SNX29: variants seen among roughly 807,000 people sequenced by gnomAD.
SNX29 encodes the protein sorting nexin 29.
In SNX29, 78 loss-of-function variants were observed where a neutral mutation model predicts 102.1. The observed-to-expected ratio is 0.76, with a 90% CI of 0.64 to 0.92. The LOEUF (loss-of-function observed/expected upper bound fraction) is 0.92, where lower values mean the gene tolerates loss of function less well. Among genes scored for constraint, SNX29 ranks in the 40% least tolerant of loss-of-function variants. The pLI, the probability that SNX29 is intolerant of heterozygous loss-of-function variation, is 0.00. For synonymous variants in SNX29, 580 were observed against 414.5 expected (o/e 1.40, Z -4.85); for missense variants, 1,280 against 1,061.7 (o/e 1.21, Z -2.86).
intron 13 of SNX29, among the ~76,000 whole-genome samples, chr16:12,169,381 C>T (rs1262728739): frequency 6.6e-6 from 1 of 152,134 alleles, no homozygotes; most frequent in Non-Finnish European, 1.5e-5. Context: ...GGGAGCTGAT[C>T]ACGGGCTTCC....
Position 12,570,259 on chromosome 16 carries a change from T to C in SNX29, c.*1630T>C, listed in dbSNP as rs182067064. 42 of 1,064,960 alleles carry C rather than the reference T, an allele frequency of 3.9e-5. No homozygotes were observed. In the African/African-American group the frequency reaches 5.6e-4, roughly 14 times the overall value. 66.0% of individuals were successfully genotyped at this position (1,064,960 alleles called of 1,614,324 possible). ...GTGAGACCAAATGAGCTGGAGCATG[T>C]ATGGAGGTGCGGACCCTGCAGTCAG... On this transcript the variant is annotated 3_prime_UTR_variant, in exon 21 of 21. Coordinates refer to ENST00000566228, the MANE Select transcript of SNX29 (RefSeq NM_032167.5).
At chr16:12,507,147 C>G (rs1287188273) in intron 19 of SNX29, among the ~76,000 whole-genome samples, 1 of 152,152 alleles carries the variant, frequency 6.6e-6, no homozygotes, top group African/African-American at 2.4e-5. Flanking sequence ...GTGATGAGAC[C>G]GAAATGCTTT....
chr16:12,534,649 G>C (rs972488939), intron 20 of SNX29, among the ~76,000 whole-genome samples: 1 of 152,208 alleles, frequency 6.6e-6, no homozygotes, highest in Non-Finnish European at 1.5e-5. Flanking sequence ...TTCACCTGAA[G>C]GAGTTCCCTG....
chr16:12,024,212 C>T (rs55995758), intron 3 of SNX29, among the ~76,000 whole-genome samples: 61,204 of 151,178 alleles, frequency 0.4, 13,308 homozygotes, highest in Non-Finnish European at 0.49. Flanking sequence ...GATCTCGGCT[C>T]ACGGCAACCT....
chr16:12,567,094 G>A (rs1451655350), intron 20 of SNX29, among the ~76,000 whole-genome samples: 5 of 152,252 alleles, frequency 3.3e-5, no homozygotes, highest in African/African-American at 4.8e-5. Context: ...CGAGGGGAAT[G>A]ATTTCTTTAT....
Position 12,552,042 on chromosome 16 carries a change from G to A in SNX29, c.2319-16464G>A, listed in dbSNP as rs1567180974. 4.6e-5 allele frequency among the ~76,000 whole-genome samples: 7 copies of A among 151,984 alleles called. No homozygotes were observed. In the South Asian group the frequency reaches 1.3e-3, roughly 27 times the overall value. ...AACGTGGCAAGTCCAGGCTCAGATG[G>A]GAAGGATTTTTGGGGCACTGAATCT... On this transcript the variant is annotated intron_variant, in intron 20 of 20. Transcript: ENST00000566228.
intron 19 of SNX29, among the ~76,000 whole-genome samples, chr16:12,511,037 A>T (rs774828807): frequency 1.1e-4 from 17 of 152,006 alleles, no homozygotes; most frequent in African/African-American, 1.7e-4. Flanking sequence ...GCTCACTGCA[A>T]CCTCTGCGTC....
chr16:12,571,691 AGAC>A lies in SNX29; in HGVS notation c.*3063_*3065del. On this transcript the variant is annotated 3_prime_UTR_variant, in exon 21 of 21. Transcript: ENST00000566228. ...CTGGGCAGAGGTGTCTCTCCTTGAG[AGAC>A]AACAAAAGCTTCTAAGGGAGGGAGC... The A allele has an allele frequency of 1.9e-6, 2 of 1,060,270 alleles. No homozygotes were observed. The highest frequency in any genetic ancestry group is 9.1e-5 in the South Asian group (2 of 21,928). 65.7% of individuals were successfully genotyped at this position (1,060,270 alleles called of 1,614,324 possible). A position where few individuals can be genotyped will look rare whatever the true frequency, so the allele number is the denominator to read the frequency against.
chr16:12,282,804 C>T (rs2079476925), intron 15 of SNX29, among the ~76,000 whole-genome samples: 1 of 152,164 alleles, frequency 6.6e-6, no homozygotes, highest in African/African-American at 2.4e-5. Context: ...TACAGGTGCC[C>T]ACCACAATGC....
At chr16:12,132,589 A>G (rs1222582946) in intron 13 of SNX29, among the ~76,000 whole-genome samples, 5 of 152,246 alleles carry the variant, frequency 3.3e-5, no homozygotes, top group African/African-American at 9.6e-5. Flanking sequence ...GTGAGGGTGC[A>G]TATGGCAGTG....
intron 19 of SNX29, among the ~76,000 whole-genome samples, chr16:12,501,877 C>T (rs1206796442): frequency 6.6e-6 from 1 of 152,032 alleles, no homozygotes; most frequent in Non-Finnish European, 1.5e-5. Context: ...TCAGTTAGGG[C>T]CCTTTACATT....
intron 15 of SNX29, among the ~76,000 whole-genome samples, chr16:12,325,800 G>T (rs1345630376): frequency 6.6e-6 from 1 of 152,046 alleles, no homozygotes; most frequent in East Asian, 1.9e-4. Flanking sequence ...TCCAAGGCAG[G>T]AGAATTGCTT....
intron 13 of SNX29, among the ~76,000 whole-genome samples, chr16:12,174,476 C>G (rs944872617): frequency 1.3e-5 from 2 of 152,116 alleles, no homozygotes; most frequent in African/African-American, 4.8e-5. Context: ...CTGTTGCTGC[C>G]CATTTGAGCT....
At chr16:12,219,468 C>G (rs1277052856) in intron 14 of SNX29, among the ~76,000 whole-genome samples, 1 of 152,162 alleles carries the variant, frequency 6.6e-6, no homozygotes, top group South Asian at 2.1e-4. Context: ...GCAAACGCCA[C>G]TTGTGACTTA....
chr16:12,221,410 T>C (rs2077474066), intron 14 of SNX29, among the ~76,000 whole-genome samples: 1 of 151,494 alleles, frequency 6.6e-6, no homozygotes, highest in Non-Finnish European at 1.5e-5. Flanking sequence ...AGGTCAGGAG[T>C]TTGAGATCAG....
At chr16:12,500,198 G>C (rs771543949) in intron 19 of SNX29, among the ~76,000 whole-genome samples, 13 of 151,952 alleles carry the variant, frequency 8.6e-5, no homozygotes, top group Admixed American at 2.6e-4. Flanking sequence ...AGGTCTGGCT[G>C]TGTTGCACAG....
intron 19 of SNX29, among the ~76,000 whole-genome samples, chr16:12,495,575 A>G (rs1285663435): frequency 6.6e-6 from 1 of 152,258 alleles, no homozygotes; most frequent in Non-Finnish European, 1.5e-5. Flanking sequence ...CATTTTATGA[A>G]CATAGTTATT....
chr16:12,285,853 A>T (rs1414381675), intron 15 of SNX29, among the ~76,000 whole-genome samples: 2 of 152,106 alleles, frequency 1.3e-5, no homozygotes, highest in Non-Finnish European at 2.9e-5. Flanking sequence ...AGGTTTATTT[A>T]TTTATTTATT....
chr16:12,332,520 CG>C (rs2081321395), intron 15 of SNX29, among the ~76,000 whole-genome samples: 1 of 152,186 alleles, frequency 6.6e-6, no homozygotes, highest in Admixed American at 6.5e-5. Flanking sequence ...TATCCTCCCC[CG>C]TCCTCGTCAT....
Sources: allele counts gnomAD v4.1 joint callset (sites outside exome capture counted in the v4.1 genomes callset), GRCh38; gene constraint gnomAD v4.1.1; transcripts MANE v1.5; gene names NCBI Gene and HGNC (gene_info 2026-07-23, HGNC 2026-07-21).